Variants in IGFN1 observed in about 807,000 individuals in gnomAD.
IGFN1 encodes the protein immunoglobulin-like and fibronectin type III domain-containing protein 1.
IGFN1 carries 253 observed loss-of-function variants against 289.5 expected under a neutral mutation model. The ratio of observed to expected loss-of-function variants is 0.87; its 90% CI spans 0.79 to 0.97. The LOEUF (loss-of-function observed/expected upper bound fraction) is 0.97. IGFN1 is among the 50% of genes least tolerant of loss of function. IGFN1 has a pLI of 0.00. For missense variants in IGFN1, 4,470 were observed against 4,686.1 expected (o/e 0.95, Z 1.35); for synonymous variants, 1,706 against 1,788.5 (o/e 0.95, Z 1.16).
In IGFN1 at chr1:201,206,676, C is replaced by A. The variant is rs769558583; in HGVS notation, c.1783C>A (p.Gln595Lys). ...GRQLDRHAPEQLWDARLGPGR... is the reference protein window; with the variant it reads ...GRQLDRHAPEKLWDARLGPGR... ...ACAACTGGACAGGCATGCCCCAGAGCAACTGTGGGATGCTCGACTGGGACC... is the reference window on the plus strand; with the variant it reads ...ACAACTGGACAGGCATGCCCCAGAGAAACTGTGGGATGCTCGACTGGGACC... Residue 595 changes from glutamine to lysine, a missense_variant, in exon 12 of 24, where the codon CAA becomes AAA. Gln to Lys is a moderately conservative substitution (Grantham distance 53). This residue lies in a region of IGFN1 where 2,011 missense variants were observed against 1,953.4 expected (regional missense o/e 1.03). Transcript: ENST00000335211. 19 of 1,536,926 alleles carry A rather than the reference C, an allele frequency of 1.2e-5. No individual in the cohort carries two copies. The highest frequency in any genetic ancestry group is 1.6e-5 in the Non-Finnish European group (18 of 1,146,858).
rs1463620965 is a variant in IGFN1 at position 201,212,920 on chromosome 1, G to T, written c.8027G>T (p.Gly2676Val). Residue 2676 changes from glycine (G) to valine (V), a missense_variant, in exon 12 of 24, where the codon GGT becomes GTT. This residue lies in a region of IGFN1 where 2,218 missense variants were observed against 2,114.1 expected (regional missense o/e 1.05). Coordinates refer to ENST00000335211, the MANE Select transcript of IGFN1 (RefSeq NM_001164586.2). ...CCAGGGGGCTTTAAGGGTGGGGAGGGTGCACCAGGCCAAGAGGCGGCTGGT... is the reference window on the plus strand; with the variant it reads ...CCAGGGGGCTTTAAGGGTGGGGAGGTTGCACCAGGCCAAGAGGCGGCTGGT... ...EGPGGFKGGE[G>V]APGQEAAGGC... 8.4e-6 allele frequency: 13 copies of T among 1,551,518 alleles called. No homozygotes were observed. The highest frequency in any genetic ancestry group is 1.2e-5 in the South Asian group (1 of 84,064).
Position 201,205,121 on chromosome 1 carries a change from A to G in IGFN1, c.956A>G (p.His319Arg). ...GTGGTGGTCCCACTGGCGGAGACCC[A>G]CTGTGAGGAGCAGGGTGACGCAGTC... ...PRVVVPLAET[H>R]CEEQGDAVFE... is the part of the protein sequence containing the mutation. The change falls in exon 11 of 24, where the codon CAC becomes CGC. Residue 319 changes from histidine (H) to arginine (R), a missense_variant. Around this residue, in one of 8 missense-constraint regions of IGFN1, gnomAD observed 2,011 missense variants for 1,953.4 expected, o/e 1.03. Coordinates refer to ENST00000335211, the MANE Select transcript of IGFN1 (RefSeq NM_001164586.2). 4 of 1,550,522 alleles carry G rather than the reference A, an allele frequency of 2.6e-6. No homozygotes were observed. The highest frequency in any genetic ancestry group is 3.5e-6 in the Non-Finnish European group (4 of 1,146,836).
At position 201,212,719 on chromosome 1, in the gene IGFN1, G is replaced by T. The variant is rs1178531408; in HGVS notation, c.7826G>T (p.Gly2609Val). The T allele has an allele frequency of 6.4e-7, 1 of 1,550,872 alleles. No individual in the cohort carries two copies. Residue 2609 changes from glycine to valine, a missense_variant, in exon 12 of 24, where the codon GGC (glycine) becomes GTC (valine). Around this residue, in one of 8 missense-constraint regions of IGFN1, gnomAD observed 2,218 missense variants for 2,114.1 expected, o/e 1.05. Coordinates refer to ENST00000335211, the MANE Select transcript of IGFN1 (RefSeq NM_001164586.2). ...LDSGSMPGGR[G>V]KSTSGPADRQ... ...AGCGGCTCTATGCCTGGGGGAAGGG[G>T]CAAGTCAACATCAGGGCCTGCTGAT...
chr1:201,206,773 TAGAG>T lies in IGFN1; in HGVS notation c.1882_1885del (p.Glu628PhefsTer24). 1 of 1,536,530 alleles carries T rather than the reference TAGAG, an allele frequency of 6.5e-7. No homozygotes were observed. Among genetic ancestry groups the T allele is most frequent in the East Asian group, 2.4e-5 (1 of 40,890 alleles). On this transcript the variant is annotated frameshift_variant, in exon 12 of 24. Coordinates refer to ENST00000335211, the MANE Select transcript of IGFN1 (RefSeq NM_001164586.2). LOFTEE classifies it high-confidence loss of function. ...GGGTCCTGGCCAAGAGGAAAGCAGA[TAGAG>T]ATTTCACAGGATGACAGCCTGGCTG...
At position 201,206,651 on chromosome 1, in the gene IGFN1, A is replaced by G. The variant is rs753465294; in HGVS notation, c.1758A>G (p.Arg586=). ...AGGAGCACAGAGGGGACAGTGGAAGACAACTGGACAGGCATGCCCCAGAGC... is the reference window on the plus strand; with the variant it reads ...AGGAGCACAGAGGGGACAGTGGAAGGCAACTGGACAGGCATGCCCCAGAGC... ...EGKEHRGDSG[R]QLDRHAPEQL... Residue 586 remains arginine (R), a synonymous_variant, in exon 12 of 24, where the codon AGA becomes AGG. Transcript: ENST00000335211. 2.0e-5 allele frequency: 30 copies of G among 1,538,098 alleles called. No homozygotes were observed. Among genetic ancestry groups the G allele is most frequent in the Non-Finnish European group, 3.5e-6 (4 of 1,146,922 alleles).
At chr1:201,213,753 T>C in intron 12 of IGFN1, 132 bp downstream of exon 12, 1 of 730,116 alleles carries the variant, frequency 1.4e-6, no homozygotes, top group Non-Finnish European at 2.2e-6. Flanking sequence ...TGCTCCCCAT[T>C]CTCAGGAATC....
Position 201,214,227 on chromosome 1 carries a change from G to A in IGFN1, c.8779G>A (p.Gly2927Arg). 6.2e-7 allele frequency: 1 copy of A among 1,613,492 alleles called. No individual in the cohort carries two copies. The highest frequency in any genetic ancestry group is 8.5e-7 in the Non-Finnish European group (1 of 1,179,662). Residue 2927 changes from glycine (G) to arginine (R), a missense_variant, in exon 13 of 24, where the codon GGG (glycine) becomes AGG (arginine). This residue lies in a region of IGFN1 where 2,218 missense variants were observed against 2,114.1 expected (regional missense o/e 1.05). Coordinates refer to ENST00000335211, the MANE Select transcript of IGFN1 (RefSeq NM_001164586.2). ...CCTGGCTGACATGGAAGTGCAGCCG[G>A]GGGAGGCCGCCACACTCTCCTGTAC... ...QGLADMEVQP[G>R]EAATLSCTLT...
At chr1:201,224,655 C>A (rs755030981) in intron 20 of IGFN1, 24 bp from the exon 21 acceptor site, 32 of 1,607,860 alleles carry the variant, frequency 2.0e-5, no homozygotes, top group Non-Finnish European at 2.5e-5. Context: ...CCCTTCTCAA[C>A]TTTTCCTTCC....
At chr1:201,226,227 C>A in intron 22 of IGFN1, 104 bp downstream of exon 22, 1 of 1,280,126 alleles carries the variant, frequency 7.8e-7, no homozygotes, top group Non-Finnish European at 1.0e-6. Context: ...GGGACTGTGG[C>A]AGGGATGGCC....
intron 1 of IGFN1, among the ~76,000 whole-genome samples, chr1:201,192,656 C>A (rs1339711544): frequency 6.6e-6 from 1 of 152,152 alleles, no homozygotes; most frequent in Admixed American, 6.5e-5. Context: ...CCCCTGCAGA[C>A]CTTGTGACTG....
At chr1:201,228,108 C>T (rs1654231082) in intron 23 of IGFN1, among the ~76,000 whole-genome samples, 2 of 152,222 alleles carry the variant, frequency 1.3e-5, no homozygotes, top group African/African-American at 4.8e-5. Context: ...AGCACCTGTG[C>T]TTAGGCATTT....
chr1:201,221,396 G>C, intron 18 of IGFN1, 48 bp from the exon 19 acceptor site: 2 of 1,386,238 alleles, frequency 1.4e-6, no homozygotes, highest in Non-Finnish European at 1.9e-6. Context: ...ACACTGAGTG[G>C]CCTCCCTCAG....
intron 4 of IGFN1, among the ~76,000 whole-genome samples, chr1:201,196,420 C>T (rs1210012103): frequency 6.6e-6 from 1 of 152,234 alleles, no homozygotes; most frequent in South Asian, 2.1e-4. Context: ...TCTTGGTTCT[C>T]TGCAACCTCC....
rs568636537 is a variant in IGFN1, at chr1:201,226,895, G to A, written c.10800G>A (p.Val3600=). ...CIPRQRDRFT[V]KAPCYREPDL... ...CTTTCACCACAGACAGGTTCACAGT[G>A]AAGGCTCCGTGCTACCGGGAGCCCG... The change falls in exon 23 of 24, where the codon GTG becomes GTA. Residue 3600 remains valine, a synonymous_variant. Coordinates refer to ENST00000335211, the MANE Select transcript of IGFN1 (RefSeq NM_001164586.2). 316 of 1,589,776 alleles carry A rather than the reference G, an allele frequency of 2.0e-4. 5 individuals carry two copies. The South Asian group carries it at 2.3e-3, about 12-fold the overall frequency.
intron 14 of IGFN1, 106 bp downstream of exon 14, chr1:201,215,260 CCAGTATCTAATCT>C: frequency 8.1e-7 from 1 of 1,235,086 alleles, no homozygotes; most frequent in Non-Finnish European, 1.1e-6. Flanking sequence ...TAGTCTGCAG[CCAGTATCTAATCT>C]CATCCCCAGA....
In IGFN1 at chr1:201,208,737, T is replaced by C. The variant is rs1311073528; in HGVS notation, c.3844T>C (p.Ser1282Pro). ...KGIGSSGEMG[S>P]VDKEGYKKDL... The stretch of plus-strand genomic sequence containing the variant: ...TATTGGGAGTTCTGGGGAAATGGGG[T>C]CAGTGGATAAGGAAGGTTATAAGAA... Residue 1282 changes from serine to proline, a missense_variant, in exon 12 of 24, where the codon TCA becomes CCA. By Grantham distance (74) the Ser-to-Pro change is moderately conservative (BLOSUM62 -1). Around this residue, in one of 8 missense-constraint regions of IGFN1, gnomAD observed 2,011 missense variants for 1,953.4 expected, o/e 1.03. Coordinates refer to ENST00000335211, the MANE Select transcript of IGFN1 (RefSeq NM_001164586.2). The C allele has an allele frequency of 6.5e-7, 1 of 1,536,706 alleles. No homozygotes were observed. Among genetic ancestry groups the C allele is most frequent in the South Asian group, 1.2e-5 (1 of 84,024 alleles).
intron 21 of IGFN1, among the ~76,000 whole-genome samples, chr1:201,225,450 G>C (rs750418084): frequency 6.6e-6 from 1 of 152,092 alleles, no homozygotes; most frequent in Non-Finnish European, 1.5e-5. Context: ...AAAATTAGCC[G>C]AGCGTGGTGG....
rs558176766 is a variant in IGFN1, at chr1:201,227,444, T to G, written c.11113+236T>G. On this transcript the variant is annotated intron_variant, in intron 23 of 23. Transcript: ENST00000335211. ...TTTTTATTTTTAGTTTTTTTTTTTT[T>G]GAGACGGAGTTTCGCTCTTGTTGCC... 8.5e-3 allele frequency among the ~76,000 whole-genome samples: 1,177 copies of G among 138,092 alleles called. 20 individuals carry two copies. Among genetic ancestry groups the G allele is most frequent in the African/African-American group, 0.031 (1,106 of 35,748 alleles). 90.6% of individuals were successfully genotyped at this position (138,092 alleles called of 152,430 possible). A position where few individuals can be genotyped will look rare whatever the true frequency, so the allele number is the denominator to read the frequency against.
rs1384955515 is a variant in IGFN1 at position 201,222,813 on chromosome 1, C to T, written c.10276C>T (p.Pro3426Ser). 1 of 1,612,514 alleles carries T rather than the reference C, an allele frequency of 6.2e-7. No individual in the cohort carries two copies. The highest frequency in any genetic ancestry group is 8.5e-7 in the Non-Finnish European group (1 of 1,179,056). The change falls in exon 20 of 24, where the codon CCC (proline) becomes TCC (serine). Residue 3426 changes from proline to serine, a missense_variant. By Grantham distance (74) the Pro-to-Ser change is moderately conservative (BLOSUM62 -1). Around this residue, in one of 8 missense-constraint regions of IGFN1, gnomAD observed 2,218 missense variants for 2,114.1 expected, o/e 1.05. Transcript: ENST00000335211. ...CAAGGTCGGGGACACAGTTCGTGTG[C>T]CCGTCTCCTTTGAAGTGAGTGTACC... ...TVKVGDTVRV[P>S]VSFEAMPMPE...
Sources: gnomAD v4.1 joint callset for allele counts (sites outside exome capture counted in the v4.1 genomes callset) on GRCh38, gnomAD v4.1.1 for gene constraint, gnomAD v4.1.1 regional missense constraint, MANE v1.5 for transcripts, NCBI Gene and HGNC (gene_info 2026-07-23, HGNC 2026-07-21) for gene names.